SSBP2: variants seen among roughly 807,000 people sequenced by gnomAD.
SSBP2 encodes the protein single stranded DNA binding protein 2.
A neutral mutation model predicts 61.8 loss-of-function variants in SSBP2; 17 were observed. The observed-to-expected ratio is 0.28, with a 90% CI of 0.19 to 0.41. The LOEUF (loss-of-function observed/expected upper bound fraction) is 0.41. Ranked by LOEUF, SSBP2 falls within the 10% of genes least tolerant of loss-of-function variation. The pLI, the probability that SSBP2 is intolerant of heterozygous loss-of-function variation, is 1.00. For synonymous variants in SSBP2, 139 were observed against 141.3 expected (o/e 0.98, Z 0.12); for missense variants, 310 against 458.7 (o/e 0.68, Z 2.96).
intron 1 of SSBP2, among the ~76,000 whole-genome samples, chr5:81,661,287 T>C (rs1314335314): frequency 2.0e-5 from 3 of 152,202 alleles, no homozygotes; most frequent in Non-Finnish European, 4.4e-5. Context: ...CCATATCTTG[T>C]CTATTGTGAT....
intron 1 of SSBP2, among the ~76,000 whole-genome samples, chr5:81,727,369 G>C (rs608001): frequency 6.6e-6 from 1 of 152,128 alleles, no homozygotes; most frequent in Non-Finnish European, 1.5e-5. Context: ...GACCAACATG[G>C]AGAAACCCTG....
chr5:81,422,050 A>G (rs1761645840), intron 16 of SSBP2, among the ~76,000 whole-genome samples: 1 of 152,114 alleles, frequency 6.6e-6, no homozygotes. Flanking sequence ...TAAACGTTTT[A>G]TTGGAAACCT....
chr5:81,743,459 C>T (rs1234610452), intron 1 of SSBP2, among the ~76,000 whole-genome samples: 2 of 152,136 alleles, frequency 1.3e-5, no homozygotes, highest in African/African-American at 2.4e-5. Context: ...GTATATATGA[C>T]TATTTGAAGT....
chr5:81,564,167 G>A (rs184691798), intron 4 of SSBP2, among the ~76,000 whole-genome samples: 9 of 152,218 alleles, frequency 5.9e-5, no homozygotes, highest in Admixed American at 5.9e-4. Context: ...TCACTAATCA[G>A]GAAAATACAA....
At chr5:81,541,332 T>C (rs1771253756) in intron 4 of SSBP2, among the ~76,000 whole-genome samples, 1 of 152,172 alleles carries the variant, frequency 6.6e-6, no homozygotes, top group South Asian at 2.1e-4. Context: ...ATTATTAAAA[T>C]GGCGATACTG....
chr5:81,573,546 T>C (rs970987146), intron 4 of SSBP2, among the ~76,000 whole-genome samples: 2 of 152,228 alleles, frequency 1.3e-5, no homozygotes, highest in African/African-American at 4.8e-5. Context: ...ATATCACTCA[T>C]AGGAAATAAA....
intron 12 of SSBP2, among the ~76,000 whole-genome samples, chr5:81,445,164 A>ATATC (rs1328588064): frequency 1.0e-5 from 1 of 99,744 alleles, no homozygotes; most frequent in Non-Finnish European, 2.1e-5. Context: ...ATATATATAT[A>ATATC]TATATATATA....
intron 1 of SSBP2, among the ~76,000 whole-genome samples, chr5:81,701,507 T>G (rs1016799248): frequency 6.6e-6 from 1 of 152,220 alleles, no homozygotes; most frequent in Non-Finnish European, 1.5e-5. Flanking sequence ...ACCTTCAATT[T>G]GTAAAAAATA....
chr5:81,715,867 A>G (rs1282584160), intron 1 of SSBP2, among the ~76,000 whole-genome samples: 4 of 152,020 alleles, frequency 2.6e-5, no homozygotes, highest in African/African-American at 7.2e-5. Context: ...GACCAGCCTG[A>G]GCAGTATACT....
In SSBP2 at chr5:81,667,897, G is replaced by A. The variant is rs190137465; in HGVS notation, c.63-17558C>T. ...GGTTATAGGTCTAATTTTGAAGTAG[G>A]ATCAATGGAAAGAGAAACGGTTGAC... On this transcript the variant is annotated intron_variant, in intron 1 of 16. Coordinates refer to ENST00000320672, the MANE Select transcript of SSBP2 (RefSeq NM_012446.5). Among the ~76,000 whole-genome samples, 487 of 152,194 alleles carry A rather than the reference G, an allele frequency of 3.2e-3. 10 individuals carry two copies. The highest frequency in any genetic ancestry group is 0.026 in the Admixed American group (395 of 15,280).
chr5:81,463,287 C>T (rs1410786232), intron 9 of SSBP2, among the ~76,000 whole-genome samples: 1 of 152,046 alleles, frequency 6.6e-6, no homozygotes, highest in Non-Finnish European at 1.5e-5. Flanking sequence ...ATTCCCACTC[C>T]TTTTGAGGGC....
intron 2 of SSBP2, among the ~76,000 whole-genome samples, chr5:81,638,521 A>AG (rs1283357511): frequency 1.8e-3 from 266 of 150,230 alleles, no homozygotes; most frequent in African/African-American, 5.6e-3. Context: ...TCCGTCTCAG[A>AG]GGGAAAAAAA....
chr5:81,742,302 A>C (rs1459445320), intron 1 of SSBP2, among the ~76,000 whole-genome samples: 1 of 152,240 alleles, frequency 6.6e-6, no homozygotes, highest in African/African-American at 2.4e-5. Flanking sequence ...ATTCAAAGAA[A>C]GAATACTAAA....
At position 81,417,299 on chromosome 5, in the gene SSBP2, C is replaced by T. The variant is rs1761347357; in HGVS notation, c.*3205G>A. ...GTGTTGTATTACAAGATCAATGACACCCTACAGCCTTTGTTCCCATGGGCA... is the reference window on the plus strand; with the variant it reads ...GTGTTGTATTACAAGATCAATGACATCCTACAGCCTTTGTTCCCATGGGCA... On this transcript the variant is annotated 3_prime_UTR_variant, in exon 17 of 17. Coordinates refer to ENST00000320672, the MANE Select transcript of SSBP2 (RefSeq NM_012446.5). 6.6e-6 allele frequency: 1 copy of T among 152,176 alleles called. No individual in the cohort carries two copies. Among genetic ancestry groups the T allele is most frequent in the Admixed American group, 6.5e-5 (1 of 15,282 alleles). 9.4% of individuals were successfully genotyped at this position (152,176 alleles called of 1,614,324 possible). A position where few individuals can be genotyped will look rare whatever the true frequency, so the allele number is the denominator to read the frequency against.
intron 5 of SSBP2, among the ~76,000 whole-genome samples, chr5:81,496,735 T>C (rs940410643): frequency 6.6e-6 from 1 of 152,210 alleles, no homozygotes; most frequent in African/African-American, 2.4e-5. Context: ...ATCCTCCTCA[T>C]TTTATGTAAA....
chr5:81,684,044 C>T (rs1038287006), intron 1 of SSBP2, among the ~76,000 whole-genome samples: 1 of 152,184 alleles, frequency 6.6e-6, no homozygotes, highest in East Asian at 1.9e-4. Context: ...AATTTGGTAG[C>T]TTCTTACAAA....
At chr5:81,460,627 C>T (rs1764471343) in intron 10 of SSBP2, among the ~76,000 whole-genome samples, 2 of 152,122 alleles carry the variant, frequency 1.3e-5, no homozygotes, top group African/African-American at 4.8e-5. Flanking sequence ...AGCAAGAAAG[C>T]AAACCTAGAT....
chr5:81,652,447 G>C (rs1249087446), intron 1 of SSBP2, among the ~76,000 whole-genome samples: 1 of 152,084 alleles, frequency 6.6e-6, no homozygotes, highest in Admixed American at 6.6e-5. Flanking sequence ...AGAATAACAG[G>C]GGGTAAGGGT....
At chr5:81,670,730 CA>C (rs1194443887) in intron 1 of SSBP2, among the ~76,000 whole-genome samples, 1 of 152,160 alleles carries the variant, frequency 6.6e-6, no homozygotes, top group African/African-American at 2.4e-5. Context: ...GTGATCTTTA[CA>C]CATGCCATTT....
Sources: gnomAD v4.1 joint callset for allele counts (sites outside exome capture counted in the v4.1 genomes callset) on GRCh38, gnomAD v4.1.1 for gene constraint, MANE v1.5 for transcripts, NCBI Gene and HGNC (gene_info 2026-07-23, HGNC 2026-07-21) for gene names.